The following LYRM4 variants were observed in gnomAD, a reference collection of about 807,000 sequenced individuals.
The protein encoded by LYRM4 is LYR motif containing 4.
LYRM4 carries 9 observed loss-of-function variants against 11.7 expected under a neutral mutation model. The ratio of observed to expected loss-of-function variants is 0.77; its 90% confidence interval spans 0.46 to 1.34. The LOEUF is 1.34. Among genes scored for constraint, LYRM4 ranks in the 40% most tolerant of loss-of-function variants. The pLI is 0.00. For missense variants in LYRM4, 133 were observed against 112.5 expected, an observed-to-expected ratio of 1.18 and a Z score of -0.82; for synonymous variants, 42 against 40.4, an observed-to-expected ratio of 1.04 and a Z score of -0.15.
At chr6:5,257,224 C>T (rs75228904) in intron 1 of LYRM4, among the ~76,000 whole-genome samples, 236 of 152,260 alleles carry the variant, frequency 1.5e-3, no homozygotes, top group African/African-American at 5.6e-3. Context: ...CAGTGGCCCT[C>T]TCCAACCTCA....
the LYRM4 span, among the ~76,000 whole-genome samples, chr6:5,050,563 T>C: frequency 5.5e-4 from 84 of 152,318 alleles, 1 homozygote; most frequent in Middle Eastern, 3.4e-3. Context: ...TATTACCCTT[T>C]TGGAATAAAA....
intron 1 of LYRM4, among the ~76,000 whole-genome samples, chr6:5,251,523 G>A (rs562896514): frequency 1.4e-3 from 211 of 152,272 alleles, no homozygotes; most frequent in African/African-American, 4.9e-3. Flanking sequence ...CAGAGCAGGA[G>A]CAAGCAAGCG....
At chr6:5,125,593 C>T (rs1354695572) in intron 2 of LYRM4, among the ~76,000 whole-genome samples, 1 of 152,208 alleles carries the variant, frequency 6.6e-6, no homozygotes, top group Non-Finnish European at 1.5e-5. Context: ...AGAGTGGTCA[C>T]CACACATGGA....
At chr6:5,068,076 A>T in the LYRM4 span, among the ~76,000 whole-genome samples, 3 of 152,196 alleles carry the variant, frequency 2.0e-5, no homozygotes, top group Non-Finnish European at 4.4e-5. This position sits in a 1 kb window ranked among gnomAD's most constrained non-coding sequence, Gnocchi z 4.0. Flanking sequence ...TTTTTCCTTT[A>T]AAAAGGCAAC....
At chr6:5,259,536 T>C (rs1405217822) in intron 1 of LYRM4, among the ~76,000 whole-genome samples, 1 of 152,198 alleles carries the variant, frequency 6.6e-6, no homozygotes, top group Non-Finnish European at 1.5e-5. Context: ...TTGAGAGTCA[T>C]TGCTTAAGAG....
chr6:5,256,674 T>C (rs2127782026), intron 1 of LYRM4, among the ~76,000 whole-genome samples: 1 of 152,244 alleles, frequency 6.6e-6, no homozygotes, highest in African/African-American at 2.4e-5. Flanking sequence ...TGGTGCTGAC[T>C]ACTGCAGTGC....
At chr6:5,085,896 G>T in the LYRM4 span, 8 of 1,531,756 alleles carry the variant, frequency 5.2e-6, no homozygotes, top group African/African-American at 1.4e-5. Context: ...TCGCGGACAC[G>T]CTGGGGCTAA....
the LYRM4 span, chr6:5,088,941 C>T: frequency 6.6e-6 from 1 of 152,190 alleles, no homozygotes; most frequent in African/African-American, 2.4e-5. Context: ...ACAAAGCTGC[C>T]AGATATTTCT....
intron 2 of LYRM4, among the ~76,000 whole-genome samples, chr6:5,133,273 T>C (rs1076729): frequency 0.019 from 2,819 of 152,320 alleles, 94 homozygotes; most frequent in African/African-American, 0.064. Context: ...TCCTAAATTT[T>C]ATTTTCTAAA....
chr6:5,192,290 G>A (rs1386329264), intron 2 of LYRM4, among the ~76,000 whole-genome samples: 1 of 152,138 alleles, frequency 6.6e-6, no homozygotes, highest in Non-Finnish European at 1.5e-5. Flanking sequence ...GACCCTGTGT[G>A]GGTAGAGAAC....
chr6:5,122,341 G>C (rs1763495293), intron 2 of LYRM4, among the ~76,000 whole-genome samples: 1 of 152,156 alleles, frequency 6.6e-6, no homozygotes, highest in African/African-American at 2.4e-5. Flanking sequence ...TCACCACTCT[G>C]AGAGTTTCAC....
At chr6:5,186,506 G>T in intron 2 of LYRM4, 1 of 929,544 alleles carries the variant, frequency 1.1e-6, no homozygotes, top group Non-Finnish European at 1.3e-6. Flanking sequence ...TTTGGAGAAG[G>T]TTAAACTGAA....
At chr6:5,045,680 G>T in the LYRM4 span, among the ~76,000 whole-genome samples, 2 of 152,100 alleles carry the variant, frequency 1.3e-5, no homozygotes, top group Non-Finnish European at 2.9e-5. Flanking sequence ...TCCTCTCCCC[G>T]TCTGCTTCTT....
chr6:5,084,388 C>T, the LYRM4 span, among the ~76,000 whole-genome samples: 468 of 152,274 alleles, frequency 3.1e-3, no homozygotes, highest in Non-Finnish European at 5.4e-3. Flanking sequence ...GCCACGCCCC[C>T]ACTCCCGGTG....
At chr6:5,113,124 A>T (rs1011461639) in intron 2 of LYRM4, 1 of 224,058 alleles carries the variant, frequency 4.5e-6, no homozygotes, top group Non-Finnish European at 9.2e-6. Context: ...GAGGGGACCC[A>T]GTTAAGGGGC....
At chr6:5,193,539 G>A (rs1266401237) in intron 2 of LYRM4, among the ~76,000 whole-genome samples, 1 of 152,192 alleles carries the variant, frequency 6.6e-6, no homozygotes, top group African/African-American at 2.4e-5. Context: ...TTTGGTCTTT[G>A]AAAATGAGGC....
the LYRM4 span, chr6:5,086,078 G>C: frequency 4.1e-6 from 6 of 1,468,490 alleles, no homozygotes; most frequent in East Asian, 8.6e-5. Context: ...TCCCGGCTCC[G>C]GCCGCTCTTC....
At chr6:5,221,196 A>G (rs1220183410) in intron 1 of LYRM4, among the ~76,000 whole-genome samples, 1 of 152,188 alleles carries the variant, frequency 6.6e-6, no homozygotes, top group East Asian at 1.9e-4. Flanking sequence ...TGTATTCTCT[A>G]GGGCACATAT....
At chr6:5,061,654 C>G in the LYRM4 span, among the ~76,000 whole-genome samples, 1 of 151,996 alleles carries the variant, frequency 6.6e-6, no homozygotes, top group African/African-American at 2.4e-5. Flanking sequence ...ACCTGAAAAA[C>G]GAACACAAAA....
Sources: allele counts gnomAD v4.1 joint callset (sites outside exome capture counted in the v4.1 genomes callset), GRCh38; gene constraint gnomAD v4.1.1; non-coding constraint Gnocchi (gnomAD v3.1); transcripts MANE v1.5; gene names NCBI Gene and HGNC (gene_info 2026-07-23, HGNC 2026-07-21).